ATF3: variants seen among roughly 807,000 people sequenced by gnomAD.
The protein encoded by ATF3 is activating transcription factor 3.
In ATF3, 10 loss-of-function variants were observed where a neutral mutation model predicts 18.4. That is an observed-to-expected ratio of 0.54 (90% CI 0.34 to 0.92). The LOEUF (loss-of-function observed/expected upper bound fraction) is 0.92. ATF3 is among the 40% of genes least tolerant of loss of function. ATF3 has a pLI of 0.02. For synonymous variants in ATF3, 78 were observed against 87.9 expected, an observed-to-expected ratio of 0.89 and a Z score of 0.63; for missense variants, 183 against 222.3, an observed-to-expected ratio of 0.82 and a Z score of 1.12.
At chr1:212,611,688 G>C (rs903298937) in intron 1 of ATF3, among the ~76,000 whole-genome samples, 3 of 152,216 alleles carry the variant, frequency 2.0e-5, no homozygotes, top group African/African-American at 7.2e-5. Flanking sequence ...TTAGTGGAAA[G>C]AGGATGAAAA....
chr1:212,601,494 C>T (rs141520207), intron 1 of ATF3, among the ~76,000 whole-genome samples: 6 of 152,252 alleles, frequency 3.9e-5, no homozygotes, highest in Admixed American at 1.3e-4. Context: ...AGGACAGTAT[C>T]GCTTAATGTA....
intron 2 of ATF3, among the ~76,000 whole-genome samples, chr1:212,617,738 T>C (rs1655188705): frequency 6.6e-6 from 1 of 152,222 alleles, no homozygotes; most frequent in Non-Finnish European, 1.5e-5. Flanking sequence ...AGATCATTCC[T>C]GGTTCTCAAA....
At chr1:212,583,328 G>A (rs1379427002) in intron 1 of ATF3, among the ~76,000 whole-genome samples, 1 of 152,070 alleles carries the variant, frequency 6.6e-6, no homozygotes, top group Non-Finnish European at 1.5e-5. Context: ...GAACCCCTGG[G>A]CTCAAGTGAT....
At chr1:212,569,597 T>C (rs1664444271) in intron 1 of ATF3, among the ~76,000 whole-genome samples, 1 of 152,126 alleles carries the variant, frequency 6.6e-6, no homozygotes, top group Non-Finnish European at 1.5e-5. Flanking sequence ...CAGTAAATTT[T>C]TTTTTGGCTT....
chr1:212,607,213 T>C (rs1654658963), upstream of ATF3, among the ~76,000 whole-genome samples: 1 of 152,092 alleles, frequency 6.6e-6, no homozygotes, highest in African/African-American at 2.4e-5. Flanking sequence ...AGACCCAGGC[T>C]CCAGACACCT....
At chr1:212,612,411 A>G (rs1654934114) in intron 1 of ATF3, among the ~76,000 whole-genome samples, 1 of 152,226 alleles carries the variant, frequency 6.6e-6, no homozygotes, top group African/African-American at 2.4e-5. Context: ...GTCCCCGTGT[A>G]GAAGGGAGCC....
At chr1:212,583,638 A>G (rs1296108374) in intron 1 of ATF3, among the ~76,000 whole-genome samples, 1 of 152,314 alleles carries the variant, frequency 6.6e-6, no homozygotes, top group Non-Finnish European at 1.5e-5. Flanking sequence ...CTGAAGAAAC[A>G]CGACCACTGT....
intron 1 of ATF3, among the ~76,000 whole-genome samples, chr1:212,577,782 A>G (rs796645574): frequency 2.6e-5 from 4 of 152,278 alleles, no homozygotes; most frequent in African/African-American, 7.2e-5. Context: ...GCTGAATAAT[A>G]TTTCATTGTG....
intron 1 of ATF3, among the ~76,000 whole-genome samples, chr1:212,572,007 C>T (rs992240215): frequency 7.9e-5 from 12 of 152,100 alleles, no homozygotes; most frequent in Non-Finnish European, 1.0e-4. Context: ...CCACCGCGCC[C>T]GGCCGCCAAT....
chr1:212,569,799 A>G (rs1664447632), intron 1 of ATF3, among the ~76,000 whole-genome samples: 1 of 152,148 alleles, frequency 6.6e-6, no homozygotes, highest in Non-Finnish European at 1.5e-5. Flanking sequence ...AATATTGTAA[A>G]TAGTACTGTA....
At chr1:212,568,662 G>A (rs1426685245) in intron 1 of ATF3, among the ~76,000 whole-genome samples, 8 of 152,124 alleles carry the variant, frequency 5.3e-5, no homozygotes, top group Non-Finnish European at 1.2e-4. Flanking sequence ...TGAAGATGAT[G>A]CCAGAAAGCA....
Position 212,615,057 on chromosome 1 carries a change from G to A in ATF3, c.36G>A (p.Ser12=), listed in dbSNP as rs146824090. ...MLQHPGQVSA[S]EVSASAIVPC... ...AACACCCAGGCCAGGTCTCTGCCTC[G>A]GAAGTGAGTGCTTCTGCCATCGTCC... Residue 12 remains serine, a synonymous_variant, in exon 2 of 4, where the codon TCG becomes TCA. Transcript: ENST00000341491. 22 of 1,614,034 alleles carry A rather than the reference G, an allele frequency of 1.4e-5. No individual in the cohort carries two copies. The highest frequency in any genetic ancestry group is 6.6e-5 in the South Asian group (6 of 91,078).
chr1:212,595,972 T>G (rs1290860362), intron 1 of ATF3, among the ~76,000 whole-genome samples: 2 of 152,174 alleles, frequency 1.3e-5, no homozygotes, highest in East Asian at 3.8e-4. Flanking sequence ...AATTCCATCA[T>G]AGGCAAGAAT....
rs938823460 is a variant in ATF3, at chr1:212,618,425, G to A, written c.348+191G>A. 2.1e-5 allele frequency: 14 copies of A among 654,528 alleles called. No individual in the cohort carries two copies. The highest frequency in any genetic ancestry group is 1.9e-4 in the East Asian group (7 of 36,598). 40.5% of individuals were successfully genotyped at this position (654,528 alleles called of 1,614,324 possible). A position where few individuals can be genotyped will look rare whatever the true frequency, so the allele number is the denominator to read the frequency against. ...AAGCAGTTAACACAATGGATGTGAC[G>A]GTGGATGTATAAAAACAGGTGTGTG... On this transcript the variant is annotated intron_variant, in intron 3 of 3. Transcript: ENST00000341491. The surrounding 1 kb of genome is among the most constrained non-coding windows in gnomAD (Gnocchi z 4.4).
chr1:212,605,833 A>C (rs1037471145), upstream of ATF3, among the ~76,000 whole-genome samples: 1 of 152,338 alleles, frequency 6.6e-6, no homozygotes, highest in South Asian at 2.1e-4. Flanking sequence ...TGGATTCCCC[A>C]GGCAATTCAC....
At chr1:212,587,714 C>T (rs1228546835) in intron 1 of ATF3, among the ~76,000 whole-genome samples, 2 of 152,158 alleles carry the variant, frequency 1.3e-5, no homozygotes, top group Admixed American at 6.5e-5. Flanking sequence ...AAGCATTAAC[C>T]GTTCATTCAC....
At chr1:212,611,914 G>A (rs1053617377) in intron 1 of ATF3, among the ~76,000 whole-genome samples, 5 of 152,188 alleles carry the variant, frequency 3.3e-5, no homozygotes, top group African/African-American at 1.2e-4. Flanking sequence ...AGCATAGAAA[G>A]TCAACTCTGA....
intron 1 of ATF3, chr1:212,613,952 C>A (rs533983796): frequency 4.6e-5 from 7 of 152,164 alleles, no homozygotes; most frequent in Non-Finnish European, 1.0e-4. Flanking sequence ...GCTTCTCCCT[C>A]GGAAGTTGGG....
At chr1:212,591,409 G>A (rs1664881979) in intron 1 of ATF3, among the ~76,000 whole-genome samples, 1 of 152,210 alleles carries the variant, frequency 6.6e-6, no homozygotes, top group South Asian at 2.1e-4. Flanking sequence ...TAATCCAGAA[G>A]CTCAGGAAAC....
Sources: gnomAD v4.1 joint callset for allele counts (sites outside exome capture counted in the v4.1 genomes callset) on GRCh38, gnomAD v4.1.1 for gene constraint, Gnocchi (gnomAD v3.1) non-coding constraint, MANE v1.5 for transcripts, NCBI Gene and HGNC (gene_info 2026-07-23, HGNC 2026-07-21) for gene names.